Variants in OSBPL6 observed in about 807,000 individuals in gnomAD.
OSBPL6 encodes the protein oxysterol binding protein like 6.
A neutral mutation model predicts 125.8 loss-of-function variants in OSBPL6; 49 were observed. The ratio of observed to expected loss-of-function variants is 0.39; its 90% CI spans 0.31 to 0.49. The LOEUF (loss-of-function observed/expected upper bound fraction) is 0.49. OSBPL6 is among the 20% of genes least tolerant of loss of function. The pLI is 0.88. For synonymous variants in OSBPL6, 394 were observed against 391.8 expected, an observed-to-expected ratio of 1.01 and a Z score of -0.07; for missense variants, 986 against 1,135.4, an observed-to-expected ratio of 0.87 and a Z score of 1.89.
chr2:178,338,951 A>G lies in OSBPL6; in HGVS notation c.791-40A>G, dbSNP rs1403367825. On this transcript the variant is annotated intron_variant, in intron 9 of 24. Coordinates refer to ENST00000190611, the MANE Select transcript of OSBPL6 (RefSeq NM_032523.4). ...TTTATTACCATCCCCACCGCTCCCT[A>G]CCCAATTTTAACGTATTTTTATTTC... is the stretch of plus-strand genomic sequence containing the variant. 2.7e-6 allele frequency: 4 copies of G among 1,458,398 alleles called. No individual in the cohort carries two copies. The African/African-American group carries it at 5.6e-5, about 21-fold the overall frequency. 90.3% of individuals were successfully genotyped at this position (1,458,398 alleles called of 1,614,324 possible).
chr2:178,284,224 A>G (rs1166306024), intron 1 of OSBPL6, among the ~76,000 whole-genome samples: 3 of 152,162 alleles, frequency 2.0e-5, no homozygotes, highest in African/African-American at 4.8e-5. Context: ...ATCTATGTGC[A>G]TGTATGATGA....
intron 1 of OSBPL6, among the ~76,000 whole-genome samples, chr2:178,235,036 T>C (rs2090991042): frequency 6.6e-6 from 1 of 152,216 alleles, no homozygotes; most frequent in Non-Finnish European, 1.5e-5. Flanking sequence ...TGTGATGAGC[T>C]CCAGAATAGG....
At chr2:178,256,352 G>C (rs2091887861) in intron 1 of OSBPL6, among the ~76,000 whole-genome samples, 1 of 152,200 alleles carries the variant, frequency 6.6e-6, no homozygotes, top group South Asian at 2.1e-4. Context: ...TTAGCTTGAA[G>C]CCTTGATTTA....
In OSBPL6 at chr2:178,298,756, A is replaced by G. The variant is rs149826796; in HGVS notation, c.-155-7274A>G. ...CTCCACAGGACCTACATCATTTTCT[A>G]TTCCCACCAGCAATGCACAAGGGTT... On this transcript the variant is annotated intron_variant, in intron 2 of 24. Coordinates refer to ENST00000190611, the MANE Select transcript of OSBPL6 (RefSeq NM_032523.4). Among the ~76,000 whole-genome samples the G allele has an allele frequency of 1.0e-4, 13 of 125,296 alleles. No individual in the cohort carries two copies. The East Asian group carries it at 1.2e-3, about 11-fold the overall frequency. The allele number at this position is 125,296 out of a possible 152,430, so 82.2% of individuals were successfully genotyped here.
rs777246986 is a variant in OSBPL6 at position 178,395,637 on chromosome 2, A to G, written c.*78A>G. The G allele has an allele frequency of 6.8e-5, 79 of 1,166,258 alleles. No individual in the cohort carries two copies. The highest frequency in any genetic ancestry group is 9.0e-5 in the Non-Finnish European group (72 of 797,728). The allele number at this position is 1,166,258 out of a possible 1,614,324, so 72.2% of individuals were successfully genotyped here. On this transcript the variant is annotated 3_prime_UTR_variant, in exon 25 of 25. Coordinates refer to ENST00000190611, the MANE Select transcript of OSBPL6 (RefSeq NM_032523.4). ...ATGCACAATTATGTTTCTTATAGCT[A>G]TGTGTGGTTTCTGGGTCAACTGAAA...
At position 178,336,402 on chromosome 2, in the gene OSBPL6, G is replaced by A; in HGVS notation, c.759G>A (p.Gln253=). 6.2e-7 allele frequency: 1 copy of A among 1,614,122 alleles called. No homozygotes were observed. Among genetic ancestry groups the A allele is most frequent in the Non-Finnish European group, 8.5e-7 (1 of 1,180,014 alleles). ...TGQSKVAAWL[Q]DSEEMDRCAE... ...AGAGTAAAGTGGCAGCCTGGTTACA[G>A]GACTCGGAAGAGATGGACAGGTGTG... The change falls in exon 9 of 25, where the codon CAG becomes CAA. Residue 253 remains glutamine, a synonymous_variant. Coordinates refer to ENST00000190611, the MANE Select transcript of OSBPL6 (RefSeq NM_032523.4).
At position 178,402,817 on chromosome 2, in the gene OSBPL6, T is replaced by C. The variant is rs933233545; in HGVS notation, c.*7258T>C. 4 of 152,236 alleles carry C rather than the reference T, an allele frequency of 2.6e-5. No homozygotes were observed. The highest frequency in any genetic ancestry group is 4.4e-5 in the Non-Finnish European group (3 of 68,036). The allele number at this position is 152,236 out of a possible 1,614,324, so 9.4% of individuals were successfully genotyped here. A position where few individuals can be genotyped will look rare whatever the true frequency, so the allele number is the denominator to read the frequency against. On this transcript the variant is annotated 3_prime_UTR_variant, in exon 25 of 25. Transcript: ENST00000190611. ...GCCACCTCAAAATAAGAATTGTGCC[T>C]CTTCAATGAATGTTGTATATGAGAA...
rs1023716056 is a variant in OSBPL6, at chr2:178,295,479, G to A, written c.-156+10358G>A. 3.9e-5 allele frequency among the ~76,000 whole-genome samples: 6 copies of A among 152,322 alleles called. No homozygotes were observed. In the East Asian group the frequency reaches 1.2e-3, roughly 29 times the overall value. On this transcript the variant is annotated intron_variant, in intron 2 of 24. Coordinates refer to ENST00000190611, the MANE Select transcript of OSBPL6 (RefSeq NM_032523.4). ...CTCCACTACAACGGCAGTTTGAGTA[G>A]CCACAGCAGAGATTGTATGGTTCAC... is the stretch of plus-strand genomic sequence containing the variant.
chr2:178,232,767 T>C (rs894798804), intron 1 of OSBPL6, among the ~76,000 whole-genome samples: 16 of 152,168 alleles, frequency 1.1e-4, no homozygotes, highest in East Asian at 5.8e-4. Context: ...CCCAGTACTT[T>C]ATTCTGGTAA....
chr2:178,373,584 A>C (rs937064423), intron 14 of OSBPL6, among the ~76,000 whole-genome samples: 4 of 152,248 alleles, frequency 2.6e-5, no homozygotes, highest in South Asian at 2.1e-4. Context: ...CCTAAGAATA[A>C]GAGAATGAAG....
rs1433224319 is a variant in OSBPL6 at position 178,382,477 on chromosome 2, A to T, written c.1591A>T (p.Thr531Ser). ...DVSDNISEDN[T>S]SVADNISRQI... ...GAGTGATAATATATCTGAAGACAAC[A>T]CCAGTGTTGCAGACAATATTTCTCG... Residue 531 changes from threonine (T) to serine (S), a missense_variant, in exon 16 of 25, where the codon ACC becomes TCC. Physicochemically the swap from Thr to Ser is moderately conservative, Grantham distance 58. Around this residue, in one of 3 missense-constraint regions of OSBPL6, gnomAD observed 843 missense variants for 997.3 expected, o/e 0.85. Coordinates refer to ENST00000190611, the MANE Select transcript of OSBPL6 (RefSeq NM_032523.4). 1 of 1,613,968 alleles carries T rather than the reference A, an allele frequency of 6.2e-7. No individual in the cohort carries two copies. The highest frequency in any genetic ancestry group is 8.5e-7 in the Non-Finnish European group (1 of 1,180,008).
chr2:178,221,944 T>A (rs2090358386), intron 1 of OSBPL6, among the ~76,000 whole-genome samples: 1 of 152,192 alleles, frequency 6.6e-6, no homozygotes, highest in African/African-American at 2.4e-5. Context: ...GAGTGCTGTG[T>A]TTGAAAGTGT....
At chr2:178,383,603 A>T (rs960417423) in intron 17 of OSBPL6, among the ~76,000 whole-genome samples, 20 of 152,174 alleles carry the variant, frequency 1.3e-4, no homozygotes, top group Non-Finnish European at 2.8e-4. Flanking sequence ...TCTGTTCAGG[A>T]ACTTAGGTCT....
intron 1 of OSBPL6, among the ~76,000 whole-genome samples, chr2:178,258,689 TCTCCAAAAAAAATTC>T (rs1359219474): frequency 6.6e-6 from 1 of 151,814 alleles, no homozygotes. Flanking sequence ...TAGTTCTGTC[TCTCCAAAAAAAATTC>T]CTGTATGTCC....
intron 24 of OSBPL6, among the ~76,000 whole-genome samples, chr2:178,394,891 A>G (rs1695712485): frequency 6.6e-6 from 1 of 152,240 alleles, no homozygotes; most frequent in Non-Finnish European, 1.5e-5. Flanking sequence ...AGGATTATAT[A>G]TACATCACAC....
At position 178,402,802 on chromosome 2, in the gene OSBPL6, A is replaced by C. The variant is rs1696134440; in HGVS notation, c.*7243A>C. The C allele has an allele frequency of 6.6e-6, 1 of 152,188 alleles. No homozygotes were observed. Among genetic ancestry groups the C allele is most frequent in the Non-Finnish European group, 1.5e-5 (1 of 68,030 alleles). 9.4% of individuals were successfully genotyped at this position (152,188 alleles called of 1,614,324 possible). A position where few individuals can be genotyped will look rare whatever the true frequency, so the allele number is the denominator to read the frequency against. Reference sequence around the variant, plus strand: ...ATTTGTCTAATCTGTGCCACCTCAAAATAAGAATTGTGCCTCTTCAATGAA... The same window carrying C: ...ATTTGTCTAATCTGTGCCACCTCAACATAAGAATTGTGCCTCTTCAATGAA... On this transcript the variant is annotated 3_prime_UTR_variant, in exon 25 of 25. Coordinates refer to ENST00000190611, the MANE Select transcript of OSBPL6 (RefSeq NM_032523.4).
chr2:178,228,672 AC>A (rs1219359128), intron 1 of OSBPL6, among the ~76,000 whole-genome samples: 2 of 152,272 alleles, frequency 1.3e-5, no homozygotes, highest in Admixed American at 1.3e-4. Flanking sequence ...TATTATGCTA[AC>A]ATATAATGAT....
In OSBPL6 at chr2:178,394,206, C is replaced by T. The variant is rs963131550; in HGVS notation, c.2574-107C>T. 53 of 1,388,938 alleles carry T rather than the reference C, an allele frequency of 3.8e-5. No individual in the cohort carries two copies. The Admixed American group carries it at 4.8e-4, about 13-fold the overall frequency. The allele number at this position is 1,388,938 out of a possible 1,614,324, so 86.0% of individuals were successfully genotyped here. A position where few individuals can be genotyped will look rare whatever the true frequency, so the allele number is the denominator to read the frequency against. On this transcript the variant is annotated intron_variant, in intron 23 of 24. Coordinates refer to ENST00000190611, the MANE Select transcript of OSBPL6 (RefSeq NM_032523.4). Reference sequence around the variant, plus strand: ...GAGCAAGACTCCGTCCGTTACTGTGCGGTATTTTATGTTCATAGCAATTAG... The same window carrying T: ...GAGCAAGACTCCGTCCGTTACTGTGTGGTATTTTATGTTCATAGCAATTAG...
chr2:178,379,317 G>A lies in OSBPL6; in HGVS notation c.1534-3103G>A, dbSNP rs1181597434. On this transcript the variant is annotated intron_variant, in intron 15 of 24. Transcript: ENST00000190611. ...GAAAGAAGAAAGAAAGAAACAGGAA[G>A]GAAGGAAGGAAAGGAAGGGAGGGAG... Among the ~76,000 whole-genome samples the A allele has an allele frequency of 7.5e-5, 7 of 93,808 alleles. No homozygotes were observed. In the East Asian group the frequency reaches 4.0e-3, roughly 53 times the overall value. 61.5% of individuals were successfully genotyped at this position (93,808 alleles called of 152,430 possible). A position where few individuals can be genotyped will look rare whatever the true frequency, so the allele number is the denominator to read the frequency against.
Sources: allele counts gnomAD v4.1 joint callset (sites outside exome capture counted in the v4.1 genomes callset), GRCh38; gene constraint gnomAD v4.1.1; regional missense constraint gnomAD v4.1.1; transcripts MANE v1.5; gene names NCBI Gene and HGNC (gene_info 2026-07-23, HGNC 2026-07-21).